Variants in ZNF521 observed in about 807,000 individuals in gnomAD.
ZNF521 encodes zinc finger protein 521, also known as LYST-interacting protein 3.
In ZNF521, 14 loss-of-function variants were observed where a neutral mutation model predicts 105.5. The observed-to-expected ratio is 0.13, with a 90% confidence interval of 0.09 to 0.21. ZNF521 has a LOEUF of 0.21. Among genes scored for constraint, ZNF521 ranks in the 10% least tolerant of loss-of-function variants. The pLI is 1.00. For missense variants in ZNF521, 1,233 were observed against 1,629.7 expected, an observed-to-expected ratio of 0.76 and a Z score of 4.19; for synonymous variants, 635 against 606.0, an observed-to-expected ratio of 1.05 and a Z score of -0.70.
intron 3 of ZNF521, among the ~76,000 whole-genome samples, chr18:25,241,267 G>T (rs1907312406): frequency 6.6e-6 from 1 of 152,136 alleles, no homozygotes; most frequent in Non-Finnish European, 1.5e-5. Context: ...TGAGAGTGAT[G>T]CCCTTGTCAA....
chr18:25,351,677 T>C (rs1914783231), intron 1 of ZNF521: 1 of 153,276 alleles, frequency 6.5e-6, no homozygotes, highest in Non-Finnish European at 1.5e-5. Flanking sequence ...CCACCCTTTT[T>C]TTCTTAACCC....
chr18:25,094,307 GT>G (rs573560332), intron 5 of ZNF521, among the ~76,000 whole-genome samples: 8 of 152,114 alleles, frequency 5.3e-5, no homozygotes, highest in Non-Finnish European at 7.4e-5. Flanking sequence ...AGACATATGT[GT>G]ATGAGTGCAG....
chr18:25,133,146 C>G (rs543728436), intron 5 of ZNF521, among the ~76,000 whole-genome samples: 1 of 152,284 alleles, frequency 6.6e-6, no homozygotes, highest in Non-Finnish European at 1.5e-5. Flanking sequence ...ATTTCAAGGT[C>G]TCTTGGTAGA....
intron 3 of ZNF521, among the ~76,000 whole-genome samples, chr18:25,288,046 A>G (rs938123306): frequency 2.0e-5 from 3 of 152,164 alleles, no homozygotes; most frequent in Admixed American, 2.0e-4. Context: ...TGCCCCCCCA[A>G]TAGTTTCAGC....
chr18:25,177,910 C>T (rs2035561819), intron 5 of ZNF521, among the ~76,000 whole-genome samples: 1 of 152,144 alleles, frequency 6.6e-6, no homozygotes, highest in South Asian at 2.1e-4. Context: ...TTGTTCTTGT[C>T]CTGTGACTGG....
chr18:25,237,719 G>C (rs552214452), intron 3 of ZNF521, among the ~76,000 whole-genome samples: 1 of 152,238 alleles, frequency 6.6e-6, no homozygotes, highest in African/African-American at 2.4e-5. Flanking sequence ...TGTACCAAAG[G>C]GCTGTTCTCT....
chr18:25,135,064 A>C (rs779408843), intron 5 of ZNF521, among the ~76,000 whole-genome samples: 2 of 152,158 alleles, frequency 1.3e-5, no homozygotes, highest in Non-Finnish European at 2.9e-5. Context: ...CAGGAAGCGT[A>C]GAAAATTATA....
chr18:25,084,451 A>T (rs561785706), intron 7 of ZNF521, among the ~76,000 whole-genome samples: 1 of 151,102 alleles, frequency 6.6e-6, no homozygotes, highest in African/African-American at 2.4e-5. Flanking sequence ...GGTGGAAGTG[A>T]TTTGAGAAGG....
chr18:25,129,801 T>C (rs2034607404), intron 5 of ZNF521, among the ~76,000 whole-genome samples: 1 of 139,508 alleles, frequency 7.2e-6, no homozygotes, highest in Admixed American at 7.5e-5. Flanking sequence ...ACTCTGTACC[T>C]GTCAGAATGA....
intron 3 of ZNF521, among the ~76,000 whole-genome samples, chr18:25,268,207 AT>A (rs1909403971): frequency 6.6e-6 from 1 of 152,228 alleles, no homozygotes; most frequent in African/African-American, 2.4e-5. Context: ...ACTTGATGAA[AT>A]ACAGCAAGAA....
intron 4 of ZNF521, among the ~76,000 whole-genome samples, chr18:25,207,884 G>A (rs190378466): frequency 1.3e-5 from 2 of 152,220 alleles, no homozygotes; most frequent in East Asian, 3.9e-4. Context: ...AATAAAAAAA[G>A]TCTAAGAATA....
chr18:25,172,533 C>G (rs2035466573), intron 5 of ZNF521, among the ~76,000 whole-genome samples: 1 of 152,162 alleles, frequency 6.6e-6, no homozygotes, highest in Admixed American at 6.5e-5. Context: ...TCCCACTTAG[C>G]TTTTCTTTCC....
chr18:25,106,469 G>A (rs905655755), intron 5 of ZNF521, among the ~76,000 whole-genome samples: 8 of 151,922 alleles, frequency 5.3e-5, no homozygotes, highest in Non-Finnish European at 1.2e-4. Flanking sequence ...AAAAAAATCC[G>A]TTGAAAATAA....
At chr18:25,075,556 C>T (rs1267000396) in intron 7 of ZNF521, among the ~76,000 whole-genome samples, 1 of 152,188 alleles carries the variant, frequency 6.6e-6, no homozygotes, top group Non-Finnish European at 1.5e-5. Flanking sequence ...TCTGGCAGTA[C>T]ATAAATGAAC....
chr18:25,237,547 C>T (rs1241313487), intron 3 of ZNF521, among the ~76,000 whole-genome samples: 1 of 152,116 alleles, frequency 6.6e-6, no homozygotes, highest in Admixed American at 6.5e-5. Context: ...CACATACTAG[C>T]ATCTTACTTT....
chr18:25,117,058 C>CACACACACACACACATATAT, intron 5 of ZNF521, among the ~76,000 whole-genome samples: 1 of 10,306 alleles, frequency 9.7e-5, no homozygotes, highest in African/African-American at 1.2e-4. Flanking sequence ...TATATATACA[C>CACACACACACACACATATAT]ACACACACAC....
At chr18:25,218,009 G>A (rs1204650299) in intron 4 of ZNF521, among the ~76,000 whole-genome samples, 3 of 152,164 alleles carry the variant, frequency 2.0e-5, no homozygotes, top group Non-Finnish European at 4.4e-5. Context: ...GTAAGACACA[G>A]AGACAATATG....
chr18:25,217,903 A>C (rs539544973), intron 4 of ZNF521, among the ~76,000 whole-genome samples: 13 of 152,322 alleles, frequency 8.5e-5, no homozygotes, highest in Admixed American at 2.6e-4. Flanking sequence ...AGAATAGTTG[A>C]TCTCCAAAGA....
rs918677232 is a variant in ZNF521, at chr18:25,227,779, C to T, written c.221-82G>A. The T allele has an allele frequency of 5.2e-6, 6 of 1,150,278 alleles. No homozygotes were observed. The African/African-American group carries it at 9.3e-5, about 18-fold the overall frequency. 71.3% of individuals were successfully genotyped at this position (1,150,278 alleles called of 1,614,324 possible). A position where few individuals can be genotyped will look rare whatever the true frequency, so the allele number is the denominator to read the frequency against. ...TTACCGTAGCATTTCAACCAGCACG[C>T]AGAGTTGGGCCCTCTTGAATCTTTC... On this transcript the variant is annotated intron_variant, in intron 3 of 7. Transcript: ENST00000361524. The surrounding 1 kb of genome is among the most constrained non-coding windows in gnomAD (Gnocchi z 5.7).
Sources: allele counts gnomAD v4.1 joint callset (sites outside exome capture counted in the v4.1 genomes callset), GRCh38; gene constraint gnomAD v4.1.1; non-coding constraint Gnocchi (gnomAD v3.1); transcripts MANE v1.5; gene names NCBI Gene and HGNC (gene_info 2026-07-23, HGNC 2026-07-21).